The following CTNNBIP1 variants were observed in gnomAD, a reference collection of about 807,000 sequenced individuals.
CTNNBIP1 encodes the protein beta-catenin-interacting protein 1.
CTNNBIP1 carries 7 observed loss-of-function variants against 11.8 expected under a neutral mutation model. The ratio of observed to expected loss-of-function variants is 0.60; its 90% CI spans 0.34 to 1.12. The LOEUF (loss-of-function observed/expected upper bound fraction) is 1.12. Ranked by LOEUF, CTNNBIP1 falls within the 50% of genes most tolerant of loss-of-function variation. The pLI is 0.03. For synonymous variants in CTNNBIP1, 58 were observed against 43.9 expected (o/e 1.32, Z -1.26); for missense variants, 101 against 113.4 (o/e 0.89, Z 0.50).
In CTNNBIP1 at chr1:9,871,148, A is replaced by T; in HGVS notation, c.187+39T>A. The T allele has an allele frequency of 1.4e-6, 2 of 1,456,612 alleles. No individual in the cohort carries two copies. Among genetic ancestry groups the T allele is most frequent in the Non-Finnish European group, 1.9e-6 (2 of 1,068,258 alleles). The allele number at this position is 1,456,612 out of a possible 1,614,324, so 90.2% of individuals were successfully genotyped here. On this transcript the variant is annotated intron_variant, in intron 5 of 5. Transcript: ENST00000377263. This position sits in a 1 kb window ranked among gnomAD's most constrained non-coding sequence, Gnocchi z 5.2. ...GGAACCACAAGTCGGTGCCCCTGGG[A>T]CTTGTGCCACTGCCCCAGCCCCTCT...
intron 5 of CTNNBIP1, among the ~76,000 whole-genome samples, chr1:9,859,243 C>T (rs1638572018): frequency 2.0e-5 from 3 of 152,236 alleles, no homozygotes; most frequent in Admixed American, 6.5e-5. Context: ...GGCAAAGGCG[C>T]AGCTTTCTAA....
chr1:9,853,322 G>A (rs961245309), intron 5 of CTNNBIP1, among the ~76,000 whole-genome samples: 4 of 152,244 alleles, frequency 2.6e-5, no homozygotes, highest in Non-Finnish European at 5.9e-5. Flanking sequence ...GGTTGGCCAG[G>A]TATTTGTCAT....
At chr1:9,862,485 G>A (rs139692120) in intron 5 of CTNNBIP1, among the ~76,000 whole-genome samples, 219 of 152,332 alleles carry the variant, frequency 1.4e-3, no homozygotes, top group Non-Finnish European at 2.4e-3. Flanking sequence ...GCATTCTGGG[G>A]CTATGGCAGG....
At chr1:9,885,680 A>T (rs1639173956) in intron 1 of CTNNBIP1, among the ~76,000 whole-genome samples, 1 of 151,960 alleles carries the variant, frequency 6.6e-6, no homozygotes, top group African/African-American at 2.4e-5. Context: ...GCGGTGGCTC[A>T]GACCTGTAAT....
chr1:9,866,193 G>A (rs1456529601), intron 5 of CTNNBIP1, among the ~76,000 whole-genome samples: 2 of 152,242 alleles, frequency 1.3e-5, no homozygotes, highest in African/African-American at 4.8e-5. Context: ...ACATGTGACA[G>A]GAGGGCCTGG....
intron 5 of CTNNBIP1, among the ~76,000 whole-genome samples, chr1:9,859,359 GC>G (rs1218070175): frequency 2.0e-5 from 3 of 152,192 alleles, no homozygotes; most frequent in Non-Finnish European, 4.4e-5. Flanking sequence ...TGACAAATAT[GC>G]AGGAGCTTAG....
chr1:9,896,978 A>C (rs150290543), intron 1 of CTNNBIP1, among the ~76,000 whole-genome samples: 2,025 of 150,222 alleles, frequency 0.013, 34 homozygotes, highest in African/African-American at 0.041. Flanking sequence ...AACAAACAAA[A>C]AAAAAAAATG....
intron 1 of CTNNBIP1, among the ~76,000 whole-genome samples, chr1:9,891,453 TC>T (rs1639297918): frequency 1.3e-5 from 2 of 152,272 alleles, no homozygotes; most frequent in South Asian, 4.1e-4. Flanking sequence ...CCCCTCAGAA[TC>T]CCAGGGCTGG....
intron 1 of CTNNBIP1, among the ~76,000 whole-genome samples, chr1:9,898,167 T>A: frequency 6.7e-6 from 1 of 149,810 alleles, no homozygotes; most frequent in South Asian, 2.1e-4. Context: ...AACCTAGAAG[T>A]CATAAAATAT....
chr1:9,875,459 G>A (rs1255691627), intron 3 of CTNNBIP1, among the ~76,000 whole-genome samples: 2 of 152,180 alleles, frequency 1.3e-5, no homozygotes, highest in Admixed American at 6.5e-5. Context: ...TGAACAGCTC[G>A]CACTGATAGG....
intron 5 of CTNNBIP1, among the ~76,000 whole-genome samples, chr1:9,854,313 A>G (rs955194387): frequency 8.8e-5 from 13 of 148,488 alleles, no homozygotes; most frequent in African/African-American, 3.2e-4. Flanking sequence ...GGTTGCAGTG[A>G]GCTGAGATCG....
intron 3 of CTNNBIP1, among the ~76,000 whole-genome samples, chr1:9,876,176 A>T (rs777909079): frequency 5.9e-5 from 9 of 152,198 alleles, no homozygotes; most frequent in Non-Finnish European, 1.0e-4. Context: ...GAACGTGAGA[A>T]CCAAAAGTAA....
At chr1:9,903,097 A>G (rs1639554943) in intron 1 of CTNNBIP1, among the ~76,000 whole-genome samples, 1 of 152,150 alleles carries the variant, frequency 6.6e-6, no homozygotes, top group African/African-American at 2.4e-5. Flanking sequence ...GCTTGCCACG[A>G]TATTCCTAGT....
chr1:9,866,763 C>A (rs1172245766), intron 5 of CTNNBIP1, among the ~76,000 whole-genome samples: 2 of 151,432 alleles, frequency 1.3e-5, no homozygotes, highest in Non-Finnish European at 2.9e-5. Context: ...GGGTAGAGAG[C>A]AGACCTGAGG....
intron 3 of CTNNBIP1, among the ~76,000 whole-genome samples, chr1:9,877,484 C>A (rs1638993451): frequency 1.3e-5 from 2 of 152,174 alleles, no homozygotes; most frequent in Admixed American, 1.3e-4. Flanking sequence ...GGCCAGGGAG[C>A]AAAGCTGCTC....
At chr1:9,904,971 A>G (rs1357461494) in intron 1 of CTNNBIP1, among the ~76,000 whole-genome samples, 1 of 152,192 alleles carries the variant, frequency 6.6e-6, no homozygotes, top group Non-Finnish European at 1.5e-5. Flanking sequence ...TGCTTCCCTC[A>G]TCTTCAGGGG....
At position 9,850,019 on chromosome 1, in the gene CTNNBIP1, G is replaced by A. The variant is rs1570550584; in HGVS notation, c.*699C>T. The A allele has an allele frequency of 6.6e-6, 1 of 152,598 alleles. No homozygotes were observed. Among genetic ancestry groups the A allele is most frequent in the Admixed American group, 6.6e-5 (1 of 15,260 alleles). The allele number at this position is 152,598 out of a possible 1,614,324, so 9.5% of individuals were successfully genotyped here. A position where few individuals can be genotyped will look rare whatever the true frequency, so the allele number is the denominator to read the frequency against. On this transcript the variant is annotated 3_prime_UTR_variant, in exon 6 of 6. Transcript: ENST00000377263. Reference sequence around the variant, plus strand: ...TCAGGCCCAGAGCCGGCAGCAGAGGGGGGTGAATCCATGGCAACAGGAGTC... The same window carrying A: ...TCAGGCCCAGAGCCGGCAGCAGAGGAGGGTGAATCCATGGCAACAGGAGTC...
chr1:9,906,606 T>C (rs1173447915), intron 1 of CTNNBIP1, among the ~76,000 whole-genome samples: 1 of 152,030 alleles, frequency 6.6e-6, no homozygotes, highest in Non-Finnish European at 1.5e-5. Flanking sequence ...TTGCTGAGTG[T>C]CAAGTGACTA....
At chr1:9,862,854 G>T (rs1005232319) in intron 5 of CTNNBIP1, among the ~76,000 whole-genome samples, 1 of 152,196 alleles carries the variant, frequency 6.6e-6, no homozygotes, top group Non-Finnish European at 1.5e-5. Context: ...ACCGTGCCTA[G>T]CACACAGCAA....
Sources: allele counts gnomAD v4.1 joint callset (sites outside exome capture counted in the v4.1 genomes callset), GRCh38; gene constraint gnomAD v4.1.1; non-coding constraint Gnocchi (gnomAD v3.1); transcripts MANE v1.5; gene names NCBI Gene and HGNC (gene_info 2026-07-23, HGNC 2026-07-21).